Variants in SEMA5A observed in about 807,000 individuals in gnomAD.
SEMA5A encodes semaphorin 5A.
SEMA5A carries 55 observed loss-of-function variants against 135.5 expected under a neutral mutation model. The observed-to-expected ratio is 0.41, with a 90% CI of 0.33 to 0.51. The LOEUF (loss-of-function observed/expected upper bound fraction) is 0.51. Among genes scored for constraint, SEMA5A ranks in the 20% least tolerant of loss-of-function variants. SEMA5A has a pLI of 0.37. For synonymous variants in SEMA5A, 580 were observed against 546.5 expected, an observed-to-expected ratio of 1.06 and a Z score of -0.85; for missense variants, 1,290 against 1,419.9, an observed-to-expected ratio of 0.91 and a Z score of 1.47.
chr5:9,313,768 T>C (rs1752248888), intron 5 of SEMA5A, among the ~76,000 whole-genome samples: 1 of 152,160 alleles, frequency 6.6e-6, no homozygotes, highest in Non-Finnish European at 1.5e-5. Flanking sequence ...GGATGGGCAG[T>C]CTTTTTCTTC....
At chr5:9,076,103 G>A (rs531729913) in intron 16 of SEMA5A, among the ~76,000 whole-genome samples, 1 of 151,546 alleles carries the variant, frequency 6.6e-6, no homozygotes, top group South Asian at 2.1e-4. Flanking sequence ...TACTCAGGAG[G>A]CTGAGGCAGG....
At chr5:9,077,622 C>T (rs950948321) in intron 16 of SEMA5A, among the ~76,000 whole-genome samples, 1 of 152,166 alleles carries the variant, frequency 6.6e-6, no homozygotes, top group Non-Finnish European at 1.5e-5. Context: ...CTTTATTATG[C>T]CACTTGTTTG....
intron 3 of SEMA5A, among the ~76,000 whole-genome samples, chr5:9,378,182 G>A (rs1418724809): frequency 1.3e-5 from 2 of 152,004 alleles, no homozygotes; most frequent in African/African-American, 2.4e-5. Context: ...GGATGTTAAA[G>A]AACCAACCTA....
At chr5:9,452,536 G>A (rs1361521785) in intron 1 of SEMA5A, among the ~76,000 whole-genome samples, 1 of 152,188 alleles carries the variant, frequency 6.6e-6, no homozygotes, top group African/African-American at 2.4e-5. Context: ...GGCAAACAGG[G>A]TGGCATTCTG....
At chr5:9,151,085 GAAC>G (rs1253922638) in intron 12 of SEMA5A, among the ~76,000 whole-genome samples, 1 of 152,124 alleles carries the variant, frequency 6.6e-6, no homozygotes, top group Admixed American at 6.5e-5. Context: ...TTCCTCATCT[GAAC>G]AATGGATATG....
At chr5:9,249,689 T>C (rs1277599696) in intron 5 of SEMA5A, among the ~76,000 whole-genome samples, 1 of 152,188 alleles carries the variant, frequency 6.6e-6, no homozygotes. Flanking sequence ...GCTGTGATCT[T>C]GGGCGTCTTG....
intron 12 of SEMA5A, among the ~76,000 whole-genome samples, chr5:9,149,739 A>G (rs2150248516): frequency 6.6e-6 from 1 of 152,328 alleles, no homozygotes; most frequent in African/African-American, 2.4e-5. Context: ...AAGAGGTACA[A>G]TCAGTCACAC....
intron 6 of SEMA5A, among the ~76,000 whole-genome samples, chr5:9,235,989 G>A (rs1329224236): frequency 1.3e-5 from 2 of 152,256 alleles, no homozygotes; most frequent in Admixed American, 1.3e-4. Context: ...CGTCTTACAT[G>A]GCAGCAGGCA....
At chr5:9,305,010 C>G (rs542687144) in intron 5 of SEMA5A, among the ~76,000 whole-genome samples, 1 of 152,232 alleles carries the variant, frequency 6.6e-6, no homozygotes, top group South Asian at 2.1e-4. Flanking sequence ...TGGAAAGATG[C>G]CTTCGGTAAC....
chr5:9,229,042 T>C (rs7721539), intron 6 of SEMA5A, among the ~76,000 whole-genome samples: 3,750 of 152,282 alleles, frequency 0.025, 144 homozygotes, highest in African/African-American at 0.082. Flanking sequence ...CCTCCCACCT[T>C]GGCCTCTCAA....
In SEMA5A at chr5:9,042,004, G is replaced by A. The variant is rs1470484246; in HGVS notation, c.*893C>T. Reference sequence around the variant, plus strand: ...AATGTTCAAGATTTTTCTTTGCAGGGAGAGAGAAGGCATGGAGTCTATCCA... The same window carrying A: ...AATGTTCAAGATTTTTCTTTGCAGGAAGAGAGAAGGCATGGAGTCTATCCA... On this transcript the variant is annotated 3_prime_UTR_variant, in exon 23 of 23. Transcript: ENST00000382496. 6.6e-6 allele frequency: 1 copy of A among 152,262 alleles called. No individual in the cohort carries two copies. Among genetic ancestry groups the A allele is most frequent in the African/African-American group, 2.4e-5 (1 of 41,428 alleles). The allele number at this position is 152,262 out of a possible 1,614,324, so 9.4% of individuals were successfully genotyped here. A position where few individuals can be genotyped will look rare whatever the true frequency, so the allele number is the denominator to read the frequency against.
chr5:9,397,485 A>G (rs948585555), intron 2 of SEMA5A, among the ~76,000 whole-genome samples: 3 of 152,212 alleles, frequency 2.0e-5, no homozygotes, highest in African/African-American at 7.2e-5. Flanking sequence ...TGCCAGGTCC[A>G]CTGCAAGTAC....
chr5:9,380,855 C>A (rs1288734289), intron 2 of SEMA5A, among the ~76,000 whole-genome samples: 1 of 151,994 alleles, frequency 6.6e-6, no homozygotes, highest in Non-Finnish European at 1.5e-5. Context: ...ATGACGGGTC[C>A]ATGCAGGGGC....
intron 8 of SEMA5A, among the ~76,000 whole-genome samples, chr5:9,221,458 A>T (rs113626792): frequency 6.0e-5 from 9 of 150,892 alleles, no homozygotes; most frequent in African/African-American, 9.7e-5. Context: ...GCCCACCACC[A>T]CGCCCGGCTA....
At chr5:9,154,852 A>T (rs1314854804) in intron 11 of SEMA5A, among the ~76,000 whole-genome samples, 157 bp from the exon 12 acceptor site, 2 of 152,142 alleles carry the variant, frequency 1.3e-5, no homozygotes, top group Non-Finnish European at 2.9e-5. Context: ...ACCACTGCAG[A>T]CCAGTTAGGT....
chr5:9,356,812 C>G (rs1024488), intron 3 of SEMA5A, among the ~76,000 whole-genome samples: 37,166 of 152,082 alleles, frequency 0.24, 4,644 homozygotes, highest in South Asian at 0.34. Context: ...AGTGACCCAT[C>G]AAATAAAGCA....
At chr5:9,330,463 A>G (rs1266149769) in intron 4 of SEMA5A, among the ~76,000 whole-genome samples, 1 of 151,540 alleles carries the variant, frequency 6.6e-6, no homozygotes, top group Admixed American at 6.6e-5. Flanking sequence ...GTTTTTTTAC[A>G]ATAGCAGAAG....
chr5:9,094,895 G>A (rs1027211353), intron 16 of SEMA5A, among the ~76,000 whole-genome samples: 4 of 152,036 alleles, frequency 2.6e-5, no homozygotes, highest in Non-Finnish European at 5.9e-5. Flanking sequence ...CATGGAATGT[G>A]AAGAGTGTTC....
At chr5:9,378,837 A>G (rs1189279732) in intron 3 of SEMA5A, among the ~76,000 whole-genome samples, 1 of 151,872 alleles carries the variant, frequency 6.6e-6, no homozygotes, top group African/African-American at 2.4e-5. Flanking sequence ...TCATGAAATC[A>G]TTTATTATTT....
Sources: allele counts gnomAD v4.1 joint callset (sites outside exome capture counted in the v4.1 genomes callset), GRCh38; gene constraint gnomAD v4.1.1; transcripts MANE v1.5; gene names NCBI Gene and HGNC (gene_info 2026-07-23, HGNC 2026-07-21).